PRKN: variants seen among roughly 807,000 people sequenced by gnomAD.
PRKN encodes E3 ubiquitin-protein ligase parkin.
Under a neutral mutation model 59.5 loss-of-function variants are expected in PRKN, and 56 were observed. That is an observed-to-expected ratio of 0.94 (90% CI 0.76 to 1.18). PRKN has a LOEUF of 1.18. Ranked by LOEUF, PRKN falls within the 50% of genes most tolerant of loss-of-function variation. The probability of loss-of-function intolerance (pLI) is 0.00; values close to 1 mark genes in which losing one functional copy is unlikely to be tolerated. For missense variants in PRKN, 657 were observed against 596.4 expected, an observed-to-expected ratio of 1.10 and a Z score of -1.06; for synonymous variants, 250 against 222.1, an observed-to-expected ratio of 1.13 and a Z score of -1.12.
chr6:161,998,186 T>C (rs1328857164), intron 5 of PRKN, among the ~76,000 whole-genome samples: 1 of 152,146 alleles, frequency 6.6e-6, no homozygotes, highest in Non-Finnish European at 1.5e-5. Flanking sequence ...GCAGTAACTA[T>C]ATCACTTTTG....
intron 3 of PRKN, among the ~76,000 whole-genome samples, chr6:162,252,844 T>C (rs1779490432): frequency 6.6e-6 from 1 of 152,266 alleles, no homozygotes; most frequent in African/African-American, 2.4e-5. Flanking sequence ...TGGATGAGAA[T>C]GAACTATATT....
intron 2 of PRKN, among the ~76,000 whole-genome samples, chr6:162,379,721 A>G (rs1421080021): frequency 6.6e-6 from 1 of 152,182 alleles, no homozygotes; most frequent in African/African-American, 2.4e-5. Flanking sequence ...GGGACGTCAC[A>G]TATTATCCTC....
chr6:162,345,605 T>G lies in PRKN; in HGVS notation c.172-82840A>C, dbSNP rs147980201. Among the ~76,000 whole-genome samples, 388 of 152,318 alleles carry G rather than the reference T, an allele frequency of 2.5e-3. 1 individual carries two copies. Among genetic ancestry groups the G allele is most frequent in the African/African-American group, 8.8e-3 (365 of 41,558 alleles). ...TAGATTATTCCAAGGTTCAGCATAT[T>G]TTTGATGCACGCAATTTTAAATGGT... On this transcript the variant is annotated intron_variant, in intron 2 of 11. Transcript: ENST00000366898.
intron 1 of PRKN, among the ~76,000 whole-genome samples, chr6:162,480,213 G>C (rs888622689): frequency 6.6e-6 from 1 of 152,104 alleles, no homozygotes; most frequent in Non-Finnish European, 1.5e-5. Context: ...TGACCCCAGG[G>C]TCACCACGCA....
chr6:161,662,718 G>A (rs943956531), intron 7 of PRKN, among the ~76,000 whole-genome samples: 1 of 152,084 alleles, frequency 6.6e-6, no homozygotes, highest in African/African-American at 2.4e-5. Context: ...TTCCTAACCT[G>A]TATCTGAAAC....
At chr6:162,513,999 T>C (rs1472427112) in intron 1 of PRKN, among the ~76,000 whole-genome samples, 1 of 152,102 alleles carries the variant, frequency 6.6e-6, no homozygotes, top group Non-Finnish European at 1.5e-5. Context: ...TAAGCCAAGA[T>C]TGCACCACTG....
chr6:162,579,416 G>GCA (rs35480393), intron 1 of PRKN, among the ~76,000 whole-genome samples: 5,504 of 150,016 alleles, frequency 0.037, 281 homozygotes, highest in African/African-American at 0.12. Flanking sequence ...ACAAGTTCAT[G>GCA]CACACACACA....
chr6:162,567,608 ATAAAT>A (rs1178214055), intron 1 of PRKN, among the ~76,000 whole-genome samples: 1 of 142,128 alleles, frequency 7.0e-6, no homozygotes, highest in African/African-American at 2.8e-5. Context: ...CACTAATGAA[ATAAAT>A]CAAAGAGAAT....
intron 9 of PRKN, among the ~76,000 whole-genome samples, chr6:161,449,526 T>G (rs1256107892): frequency 6.6e-6 from 1 of 152,146 alleles, no homozygotes; most frequent in African/African-American, 2.4e-5. Flanking sequence ...ACAAAAAGAC[T>G]CTCTTTTCAT....
chr6:162,286,088 A>G (rs1218722131), intron 2 of PRKN, among the ~76,000 whole-genome samples: 2 of 152,166 alleles, frequency 1.3e-5, no homozygotes, highest in African/African-American at 4.8e-5. Flanking sequence ...TAAACTTTCT[A>G]GAGATTACTC....
At chr6:161,875,384 G>T (rs950756597) in intron 6 of PRKN, among the ~76,000 whole-genome samples, 4 of 151,468 alleles carry the variant, frequency 2.6e-5, no homozygotes, top group African/African-American at 7.3e-5. Flanking sequence ...TGTAGAGACG[G>T]GGTTTCATCA....
intron 5 of PRKN, among the ~76,000 whole-genome samples, chr6:162,003,516 T>C (rs1782138104): frequency 6.6e-6 from 1 of 152,160 alleles, no homozygotes; most frequent in Non-Finnish European, 1.5e-5. Context: ...GTGGTAGACA[T>C]ATACCCTTGG....
chr6:162,329,974 C>T (rs1783500636), intron 2 of PRKN, among the ~76,000 whole-genome samples: 1 of 152,140 alleles, frequency 6.6e-6, no homozygotes. Context: ...CCGATTTCTT[C>T]TTAAGGCTTT....
At chr6:161,785,335 G>C (rs1284369328) in intron 7 of PRKN, among the ~76,000 whole-genome samples, 2 of 152,132 alleles carry the variant, frequency 1.3e-5, no homozygotes, top group Non-Finnish European at 2.9e-5. Flanking sequence ...ATATTAAGTA[G>C]TTCAGGTTTA....
At chr6:162,626,118 G>T (rs1782878319) in intron 1 of PRKN, among the ~76,000 whole-genome samples, 1 of 152,126 alleles carries the variant, frequency 6.6e-6, no homozygotes, top group African/African-American at 2.4e-5. Flanking sequence ...CTCACAAAAT[G>T]ATACTTAGGT....
intron 8 of PRKN, among the ~76,000 whole-genome samples, chr6:161,555,084 T>C (rs1247799834): frequency 1.3e-5 from 2 of 152,176 alleles, no homozygotes; most frequent in African/African-American, 2.4e-5. Flanking sequence ...AGTATACATA[T>C]ATTGGATCTT....
intron 9 of PRKN, among the ~76,000 whole-genome samples, chr6:161,478,046 T>C (rs1791198077): frequency 6.6e-6 from 1 of 152,230 alleles, no homozygotes; most frequent in Admixed American, 6.5e-5. Context: ...ATTTTAGCTA[T>C]TCTGAGGACA....
At chr6:161,744,370 CATGT>C (rs1192112566) in intron 7 of PRKN, among the ~76,000 whole-genome samples, 2 of 151,892 alleles carry the variant, frequency 1.3e-5, no homozygotes, top group Non-Finnish European at 2.9e-5. Flanking sequence ...AGCCAGAGGC[CATGT>C]TGCACATGGC....
rs74298763 is a variant in PRKN at position 161,843,842 on chromosome 6, C to T, written c.735-57934G>A. 4.8e-3 allele frequency among the ~76,000 whole-genome samples: 732 copies of T among 152,204 alleles called. 3 individuals are homozygous for T. Among genetic ancestry groups the T allele is most frequent in the Middle Eastern group, 0.017 (5 of 294 alleles). ...ATTCATTCATTCCATAGTACAGCTACGATCATGTTGGTGCCCCATTCAAAC... is the reference window on the plus strand; with the variant it reads ...ATTCATTCATTCCATAGTACAGCTATGATCATGTTGGTGCCCCATTCAAAC... On this transcript the variant is annotated intron_variant, in intron 6 of 11. Transcript: ENST00000366898.
Sources: gnomAD v4.1 joint callset for allele counts (sites outside exome capture counted in the v4.1 genomes callset) on GRCh38, gnomAD v4.1.1 for gene constraint, MANE v1.5 for transcripts, NCBI Gene and HGNC (gene_info 2026-07-23, HGNC 2026-07-21) for gene names.